Variants in ADARB2 observed in about 807,000 individuals in gnomAD.
ADARB2 encodes the protein inactive double-stranded RNA-specific editase B2.
ADARB2 carries 25 observed loss-of-function variants against 62.2 expected under a neutral mutation model. The observed-to-expected ratio is 0.40, with a 90% CI of 0.29 to 0.56. The LOEUF is 0.56. Among genes scored for constraint, ADARB2 ranks in the 20% least tolerant of loss-of-function variants. The pLI, the probability that ADARB2 is intolerant of heterozygous loss-of-function variation, is 0.43. For missense variants in ADARB2, 1,071 were observed against 1,077.4 expected (o/e 0.99, Z 0.08); for synonymous variants, 572 against 500.8 (o/e 1.14, Z -1.90).
At chr10:1,325,454 G>A (rs1299961533) in intron 3 of ADARB2, among the ~76,000 whole-genome samples, 1 of 152,150 alleles carries the variant, frequency 6.6e-6, no homozygotes, top group African/African-American at 2.4e-5. Context: ...GGATAATTCT[G>A]ATGTTTTCCT....
chr10:1,511,506 G>C (rs1215997427), intron 1 of ADARB2, among the ~76,000 whole-genome samples: 1 of 152,014 alleles, frequency 6.6e-6, no homozygotes, highest in African/African-American at 2.4e-5. Flanking sequence ...ATGGGGGGTG[G>C]GGGCAGTGTC....
At chr10:1,377,234 TGTGTG>T (rs1832440725) in intron 2 of ADARB2, among the ~76,000 whole-genome samples, 1 of 124,052 alleles carries the variant, frequency 8.1e-6, no homozygotes, top group Non-Finnish European at 1.7e-5. Flanking sequence ...GGGGTGTGTT[TGTGTG>T]CGCCCCTGGG....
At chr10:1,425,571 A>G (rs925496183) in intron 1 of ADARB2, among the ~76,000 whole-genome samples, 3 of 152,138 alleles carry the variant, frequency 2.0e-5, no homozygotes, top group Non-Finnish European at 4.4e-5. Flanking sequence ...TCTGTGGAGC[A>G]CCGCGGTGTG....
At chr10:1,248,456 A>G (rs537915496) in intron 4 of ADARB2, among the ~76,000 whole-genome samples, 2 of 152,152 alleles carry the variant, frequency 1.3e-5, no homozygotes, top group Non-Finnish European at 2.9e-5. Flanking sequence ...GTGTGAGGCA[A>G]GGGCGTGCGA....
At chr10:1,660,148 C>G (rs536284315) in intron 1 of ADARB2, among the ~76,000 whole-genome samples, 93 of 152,382 alleles carry the variant, frequency 6.1e-4, no homozygotes, top group Non-Finnish European at 9.1e-4. Flanking sequence ...CCCTCCTCCT[C>G]CATCGCCCCC....
intron 1 of ADARB2, among the ~76,000 whole-genome samples, chr10:1,382,915 C>T (rs970780485): frequency 2.0e-5 from 3 of 152,176 alleles, no homozygotes; most frequent in African/African-American, 4.8e-5. Flanking sequence ...TTCTTGAGCT[C>T]GGGCTCCCAT....
chr10:1,341,222 C>T (rs1832023724), intron 3 of ADARB2, among the ~76,000 whole-genome samples: 1 of 151,558 alleles, frequency 6.6e-6, no homozygotes, highest in Admixed American at 6.6e-5. Context: ...GAACCACGTG[C>T]CCCACAGTGG....
At chr10:1,452,075 C>T (rs1263637007) in intron 1 of ADARB2, among the ~76,000 whole-genome samples, 1 of 152,154 alleles carries the variant, frequency 6.6e-6, no homozygotes, top group African/African-American at 2.4e-5. Context: ...TGCCATGCAC[C>T]CCTGCTGGTC....
chr10:1,221,480 A>T (rs1299549723), intron 6 of ADARB2, among the ~76,000 whole-genome samples: 3 of 151,102 alleles, frequency 2.0e-5, no homozygotes, highest in African/African-American at 7.3e-5. Context: ...GGTTTGTTAC[A>T]TATGTATACA....
chr10:1,486,419 G>T (rs1831543333), intron 1 of ADARB2, among the ~76,000 whole-genome samples: 1 of 152,176 alleles, frequency 6.6e-6, no homozygotes, highest in Admixed American at 6.5e-5. Flanking sequence ...CATCTGGAGA[G>T]TCGAACAATA....
At chr10:1,614,996 T>C (rs55728725) in intron 1 of ADARB2, among the ~76,000 whole-genome samples, 7,112 of 152,194 alleles carry the variant, frequency 0.047, 571 homozygotes, top group African/African-American at 0.16. Flanking sequence ...CTTCTCATTG[T>C]TGGGGAGGAG....
At chr10:1,501,450 G>T (rs573595720) in intron 1 of ADARB2, among the ~76,000 whole-genome samples, 37 of 152,166 alleles carry the variant, frequency 2.4e-4, no homozygotes, top group Non-Finnish European at 5.0e-4. Flanking sequence ...GCAGAGTACT[G>T]GGCCCTACAT....
In ADARB2 at chr10:1,668,896, G is replaced by A. The variant is rs141540058; in HGVS notation, c.100+68155C>T. On this transcript the variant is annotated intron_variant, in intron 1 of 9. Coordinates refer to ENST00000381312, the MANE Select transcript of ADARB2 (RefSeq NM_018702.4). ...GACCATCTTCTGTGAGCTCCTGGTGGCAAAGGTGTTATTATGTGTGACAGA... is the reference window on the plus strand; with the variant it reads ...GACCATCTTCTGTGAGCTCCTGGTGACAAAGGTGTTATTATGTGTGACAGA... 3.6e-3 allele frequency among the ~76,000 whole-genome samples: 542 copies of A among 152,288 alleles called. 6 individuals carry two copies. Among genetic ancestry groups the A allele is most frequent in the African/African-American group, 0.012 (505 of 41,548 alleles).
At position 1,632,148 on chromosome 10, in the gene ADARB2, A is replaced by G. The variant is rs898799675; in HGVS notation, c.100+104903T>C. Among the ~76,000 whole-genome samples the G allele has an allele frequency of 2.0e-5, 3 of 152,358 alleles. No homozygotes were observed. In the East Asian group the frequency reaches 5.8e-4, roughly 29 times the overall value. On this transcript the variant is annotated intron_variant, in intron 1 of 9. Coordinates refer to ENST00000381312, the MANE Select transcript of ADARB2 (RefSeq NM_018702.4). ...CCATAAAATAATCTAAACTGGATAA[A>G]TTCATCATTATACTAAATATCTCAT...
chr10:1,536,967 T>C (rs7082956), intron 1 of ADARB2, among the ~76,000 whole-genome samples: 119,900 of 152,148 alleles, frequency 0.79, 47,471 homozygotes, highest in Non-Finnish European at 0.82. Context: ...TAAATGGGAT[T>C]GAATTAAACT....
chr10:1,369,710 A>G (rs970032208), intron 2 of ADARB2, among the ~76,000 whole-genome samples: 2 of 22,960 alleles, frequency 8.7e-5, no homozygotes, highest in Non-Finnish European at 2.6e-3. Context: ...TAGCCCACCA[A>G]TGGCAGCTCT....
intron 7 of ADARB2, among the ~76,000 whole-genome samples, chr10:1,210,399 C>T (rs933192142): frequency 2.6e-5 from 4 of 152,226 alleles, no homozygotes; most frequent in East Asian, 1.9e-4. Flanking sequence ...AATATGACCA[C>T]GGGTTCCCGG....
chr10:1,492,596 T>G (rs576498124), intron 1 of ADARB2, among the ~76,000 whole-genome samples: 2 of 152,206 alleles, frequency 1.3e-5, no homozygotes, highest in East Asian at 3.9e-4. Context: ...TGCAGGACTT[T>G]GTGTTGGCAG....
intron 1 of ADARB2, among the ~76,000 whole-genome samples, chr10:1,487,919 A>T (rs1831564710): frequency 6.6e-6 from 1 of 152,180 alleles, no homozygotes. Flanking sequence ...ACAAACAAAC[A>T]AACAAACAGA....
Sources: gnomAD v4.1 joint callset for allele counts (sites outside exome capture counted in the v4.1 genomes callset) on GRCh38, gnomAD v4.1.1 for gene constraint, MANE v1.5 for transcripts, NCBI Gene and HGNC (gene_info 2026-07-23, HGNC 2026-07-21) for gene names.